SLC39A11: variants seen among roughly 807,000 people sequenced by gnomAD.
The protein encoded by SLC39A11 is solute carrier family 39 member 11, also known as zinc transporter ZIP11.
A neutral mutation model predicts 36.1 loss-of-function variants in SLC39A11; 33 were observed. The observed-to-expected ratio is 0.91, with a 90% CI of 0.69 to 1.22. SLC39A11 has a LOEUF of 1.22. Among genes scored for constraint, SLC39A11 ranks in the 50% most tolerant of loss-of-function variants. SLC39A11 has a pLI of 0.00. For synonymous variants in SLC39A11, 166 were observed against 170.3 expected (o/e 0.97, Z 0.20); for missense variants, 432 against 430.3 (o/e 1.00, Z -0.03).
chr17:72,777,373 T>C (rs941996396), intron 6 of SLC39A11, among the ~76,000 whole-genome samples: 3 of 152,230 alleles, frequency 2.0e-5, no homozygotes, highest in East Asian at 3.9e-4. Context: ...CCAAAATCCA[T>C]GTCTACTCAA....
chr17:72,754,513 G>T (rs2075295729), intron 6 of SLC39A11, among the ~76,000 whole-genome samples: 6 of 152,174 alleles, frequency 3.9e-5, no homozygotes. Context: ...GGCCTACAGA[G>T]GATGAGGAAG....
At chr17:72,708,945 T>C (rs1050622918) in intron 7 of SLC39A11, among the ~76,000 whole-genome samples, 2 of 151,894 alleles carry the variant, frequency 1.3e-5, no homozygotes, top group African/African-American at 2.4e-5. Context: ...CTTTTCTTTT[T>C]TTTTTTTTGA....
At chr17:73,010,893 G>A (rs1019295073) in intron 4 of SLC39A11, among the ~76,000 whole-genome samples, 2 of 152,220 alleles carry the variant, frequency 1.3e-5, no homozygotes, top group Non-Finnish European at 2.9e-5. Context: ...CTTCGATGCC[G>A]TAAGGAAGCG....
chr17:72,924,033 G>C (rs1287176045), intron 5 of SLC39A11, among the ~76,000 whole-genome samples: 1 of 151,592 alleles, frequency 6.6e-6, no homozygotes, highest in South Asian at 2.1e-4. Flanking sequence ...TGTAATCCCA[G>C]GTACTAGGGA....
chr17:72,899,114 A>G (rs1203863492), intron 5 of SLC39A11, among the ~76,000 whole-genome samples: 2 of 152,216 alleles, frequency 1.3e-5, no homozygotes, highest in Non-Finnish European at 1.5e-5. Context: ...GATGACTTTC[A>G]GAGGTGGACA....
At chr17:72,834,642 A>AAAAT (rs2078441893) in intron 6 of SLC39A11, among the ~76,000 whole-genome samples, 1 of 146,104 alleles carries the variant, frequency 6.8e-6, no homozygotes, top group African/African-American at 2.8e-5. Flanking sequence ...ACAATAAAAT[A>AAAAT]AAATAAAATA....
chr17:73,063,613 CA>C (rs954893010), intron 3 of SLC39A11, among the ~76,000 whole-genome samples: 187 of 147,218 alleles, frequency 1.3e-3, no homozygotes, highest in African/African-American at 3.8e-3. Context: ...AGGCTCATCT[CA>C]AAAAAAAAAT....
At chr17:72,781,743 C>T (rs1453034470) in intron 6 of SLC39A11, among the ~76,000 whole-genome samples, 1 of 152,006 alleles carries the variant, frequency 6.6e-6, no homozygotes, top group Non-Finnish European at 1.5e-5. Context: ...AATACAAGCT[C>T]GTGTTGGGGT....
chr17:72,879,176 G>T (rs989103632), intron 5 of SLC39A11, among the ~76,000 whole-genome samples: 17 of 152,196 alleles, frequency 1.1e-4, no homozygotes, highest in African/African-American at 4.1e-4. Context: ...TCCAAACCTT[G>T]CCCTTTGGGT....
chr17:73,000,375 C>CCT (rs138417071), intron 4 of SLC39A11, among the ~76,000 whole-genome samples: 4 of 150,294 alleles, frequency 2.7e-5, no homozygotes, highest in Non-Finnish European at 4.5e-5. Context: ...TCCTCCTCCT[C>CCT]CTCTCTCTCT....
chr17:72,947,697 T>C, intron 5 of SLC39A11, 55 bp downstream of exon 5: 2 of 1,611,578 alleles, frequency 1.2e-6, no homozygotes, highest in Non-Finnish European at 1.7e-6. Flanking sequence ...CCATATTGCC[T>C]GACTCAGCTC....
rs1451654486 is a variant in SLC39A11 at position 72,947,800 on chromosome 17, C to G, written c.382G>C (p.Glu128Gln). ...TCAGGGAAGAGCAGCGCGGGACCCT[C>G]AGGATCAGACTTCTTCTTCATCAAC... ...STLMKKKSDPEGPALLFPESE... is the reference protein window; with the variant it reads ...STLMKKKSDPQGPALLFPESE... Residue 128 changes from glutamate (E) to glutamine (Q), a missense_variant, in exon 5 of 10, where the codon GAG (glutamate) becomes CAG (glutamine). Transcript: ENST00000255559. The G allele has an allele frequency of 6.2e-7, 1 of 1,614,086 alleles. No individual in the cohort carries two copies. The highest frequency in any genetic ancestry group is 1.1e-5 in the South Asian group (1 of 91,088).
At chr17:72,956,092 C>T (rs1298692225) in intron 4 of SLC39A11, among the ~76,000 whole-genome samples, 1 of 152,168 alleles carries the variant, frequency 6.6e-6, no homozygotes, top group African/African-American at 2.4e-5. Flanking sequence ...AAGGTAAGAT[C>T]TTTCCACCCT....
chr17:73,015,179 T>C (rs1414417367), intron 4 of SLC39A11, among the ~76,000 whole-genome samples: 2 of 152,196 alleles, frequency 1.3e-5, no homozygotes, highest in Non-Finnish European at 1.5e-5. Flanking sequence ...TCTTCCTCCA[T>C]ATAAGCACTC....
intron 5 of SLC39A11, among the ~76,000 whole-genome samples, chr17:72,931,808 G>A (rs1044568525): frequency 1.6e-4 from 25 of 152,114 alleles, no homozygotes; most frequent in African/African-American, 4.3e-4. Context: ...AAATGCTTAC[G>A]ACTTCAGCTT....
intron 4 of SLC39A11, among the ~76,000 whole-genome samples, chr17:72,969,221 G>A (rs1343346443): frequency 6.6e-6 from 1 of 152,188 alleles, no homozygotes; most frequent in Non-Finnish European, 1.5e-5. Context: ...CTGGTTCCAA[G>A]GAGACCAAAA....
At chr17:72,895,341 G>A (rs1391606416) in intron 5 of SLC39A11, among the ~76,000 whole-genome samples, 1 of 152,166 alleles carries the variant, frequency 6.6e-6, no homozygotes, top group Non-Finnish European at 1.5e-5. Flanking sequence ...CAATTTGGGA[G>A]GCCAAGGTGG....
At chr17:73,007,292 A>C (rs2090240575) in intron 4 of SLC39A11, among the ~76,000 whole-genome samples, 1 of 152,276 alleles carries the variant, frequency 6.6e-6, no homozygotes, top group Non-Finnish European at 1.5e-5. Context: ...GTGGTGGCAC[A>C]TGCCTATAAT....
At chr17:72,808,881 C>G (rs2077345332) in intron 6 of SLC39A11, among the ~76,000 whole-genome samples, 1 of 152,038 alleles carries the variant, frequency 6.6e-6, no homozygotes, top group African/African-American at 2.4e-5. Context: ...TTCCCAAGCC[C>G]CCTGCCCAAC....
Sources: gnomAD v4.1 joint callset for allele counts (sites outside exome capture counted in the v4.1 genomes callset) on GRCh38, gnomAD v4.1.1 for gene constraint, MANE v1.5 for transcripts, NCBI Gene and HGNC (gene_info 2026-07-23, HGNC 2026-07-21) for gene names.